PPM1L: variants seen among roughly 807,000 people sequenced by gnomAD.
The protein encoded by PPM1L is protein phosphatase, Mg2+/Mn2+ dependent 1L, also known as protein phosphatase 1L.
PPM1L carries 13 observed loss-of-function variants against 31.4 expected under a neutral mutation model. The ratio of observed to expected loss-of-function variants is 0.41; its 90% CI spans 0.27 to 0.66. PPM1L has a LOEUF of 0.66. Among genes scored for constraint, PPM1L ranks in the 30% least tolerant of loss-of-function variants. The probability of loss-of-function intolerance (pLI) is 0.29; values close to 1 mark genes in which losing one functional copy is unlikely to be tolerated. For synonymous variants in PPM1L, 184 were observed against 175.4 expected, an observed-to-expected ratio of 1.05 and a Z score of -0.39; for missense variants, 326 against 453.7, an observed-to-expected ratio of 0.72 and a Z score of 2.56.
intron 2 of PPM1L, among the ~76,000 whole-genome samples, chr3:160,999,243 G>A (rs1018076814): frequency 1.3e-5 from 2 of 152,142 alleles, no homozygotes; most frequent in African/African-American, 4.8e-5. Flanking sequence ...CTGAGGTTAA[G>A]TAACTTGCTC....
At chr3:160,894,548 A>G (rs924151898) in intron 1 of PPM1L, among the ~76,000 whole-genome samples, 5 of 152,172 alleles carry the variant, frequency 3.3e-5, no homozygotes, top group African/African-American at 9.6e-5. Context: ...AATATTACCT[A>G]TTTGAGTTGT....
chr3:160,884,319 T>TA (rs1712834923), intron 1 of PPM1L, among the ~76,000 whole-genome samples: 1 of 150,964 alleles, frequency 6.6e-6, no homozygotes, highest in Admixed American at 6.6e-5. Context: ...CATGGGTTAG[T>TA]AAAGCTTCAA....
chr3:160,974,441 C>T (rs899898028), intron 2 of PPM1L, among the ~76,000 whole-genome samples: 5 of 151,472 alleles, frequency 3.3e-5, no homozygotes, highest in East Asian at 2.0e-4. Flanking sequence ...CCTGAGGAAT[C>T]GCCACACTGA....
At chr3:160,956,326 C>T (rs1396011784) in intron 1 of PPM1L, among the ~76,000 whole-genome samples, 1 of 152,184 alleles carries the variant, frequency 6.6e-6, no homozygotes, top group South Asian at 2.1e-4. Context: ...TATTTTTACT[C>T]TAGCTGTTGC....
intron 2 of PPM1L, among the ~76,000 whole-genome samples, chr3:161,053,621 C>A (rs190016397): frequency 6.6e-6 from 1 of 152,142 alleles, no homozygotes; most frequent in African/African-American, 2.4e-5. Context: ...ATGAACACTC[C>A]GTCAGATTCT....
intron 1 of PPM1L, among the ~76,000 whole-genome samples, chr3:160,867,704 C>T (rs564718956): frequency 5.9e-5 from 9 of 151,874 alleles, no homozygotes; most frequent in Non-Finnish European, 1.2e-4. Flanking sequence ...TAGAAAATAG[C>T]GATAATTTTT....
rs146562473 is a variant in PPM1L, at chr3:160,900,342, A to G, written c.400-61394A>G. The stretch of plus-strand genomic sequence containing the variant: ...TTGTGTTTTCTGATGCTTTTTTGGT[A>G]TGTTTTCTTTTAGCCTCCTTTTCTT... On this transcript the variant is annotated intron_variant, in intron 1 of 3. Transcript: ENST00000498165. Among the ~76,000 whole-genome samples the G allele has an allele frequency of 5.3e-4, 81 of 151,996 alleles. 1 individual carries two copies. The East Asian group carries it at 0.012, about 22-fold the overall frequency.
chr3:160,909,453 A>G (rs1445168664), intron 1 of PPM1L, among the ~76,000 whole-genome samples: 7 of 152,218 alleles, frequency 4.6e-5, no homozygotes, highest in Admixed American at 4.6e-4. Flanking sequence ...TAGACTTATT[A>G]AGTTTGAGGT....
intron 1 of PPM1L, among the ~76,000 whole-genome samples, chr3:160,841,247 A>G (rs564078170): frequency 1.3e-5 from 2 of 152,148 alleles, no homozygotes; most frequent in African/African-American, 4.8e-5. Flanking sequence ...TGAATATGCA[A>G]TGCTTATTAA....
intron 1 of PPM1L, among the ~76,000 whole-genome samples, chr3:160,762,668 A>T (rs1221055233): frequency 1.3e-5 from 2 of 152,182 alleles, no homozygotes; most frequent in African/African-American, 4.8e-5. Flanking sequence ...AGGAACTGAC[A>T]TTTAATTGTA....
intron 1 of PPM1L, among the ~76,000 whole-genome samples, chr3:160,861,352 A>T (rs779157769): frequency 9.9e-5 from 15 of 152,226 alleles, no homozygotes; most frequent in Non-Finnish European, 2.2e-4. Flanking sequence ...GAAAGCCGAG[A>T]TGTTAGATCA....
intron 1 of PPM1L, among the ~76,000 whole-genome samples, chr3:160,871,904 C>G (rs1336136085): frequency 6.6e-6 from 1 of 151,950 alleles, no homozygotes; most frequent in Non-Finnish European, 1.5e-5. Flanking sequence ...TTTTATTGAG[C>G]AGAAAATGAC....
chr3:161,061,096 T>C (rs1036675636), intron 2 of PPM1L, among the ~76,000 whole-genome samples: 9 of 152,262 alleles, frequency 5.9e-5, no homozygotes, highest in African/African-American at 1.9e-4. Flanking sequence ...TCTGTTATAA[T>C]CCTGAGCTAA....
At chr3:160,794,118 A>G (rs866648699) in intron 1 of PPM1L, among the ~76,000 whole-genome samples, 21 of 151,802 alleles carry the variant, frequency 1.4e-4, no homozygotes, top group African/African-American at 5.1e-4. Context: ...CCTCAGCCAC[A>G]GGAAATCCAT....
At chr3:161,040,069 G>A (rs891287278) in intron 2 of PPM1L, among the ~76,000 whole-genome samples, 2 of 152,136 alleles carry the variant, frequency 1.3e-5, no homozygotes, top group East Asian at 3.9e-4. Flanking sequence ...GAATGGGTTG[G>A]TTATTTCATT....
chr3:160,869,635 A>G (rs1007277776), intron 1 of PPM1L, among the ~76,000 whole-genome samples: 3 of 151,514 alleles, frequency 2.0e-5, no homozygotes, highest in Non-Finnish European at 4.4e-5. Flanking sequence ...GATTTCAGAG[A>G]TGTTAAAATG....
intron 1 of PPM1L, among the ~76,000 whole-genome samples, chr3:160,809,096 C>T (rs890185894): frequency 3.3e-5 from 5 of 152,162 alleles, no homozygotes; most frequent in Non-Finnish European, 7.3e-5. Flanking sequence ...AATCTGCTCC[C>T]GAGGTCCAGC....
intron 1 of PPM1L, among the ~76,000 whole-genome samples, chr3:160,876,974 AG>A: frequency 6.6e-6 from 1 of 152,356 alleles, no homozygotes; most frequent in African/African-American, 2.4e-5. Context: ...AACAAGGAAA[AG>A]GTTAGTTTTA....
chr3:161,005,348 T>C (rs1296186280), intron 2 of PPM1L, among the ~76,000 whole-genome samples: 1 of 152,214 alleles, frequency 6.6e-6, no homozygotes, highest in African/African-American at 2.4e-5. Context: ...CAAAGTGAGT[T>C]ATGTATGAAG....
Sources: allele counts gnomAD v4.1 joint callset (sites outside exome capture counted in the v4.1 genomes callset), GRCh38; gene constraint gnomAD v4.1.1; transcripts MANE v1.5; gene names NCBI Gene and HGNC (gene_info 2026-07-23, HGNC 2026-07-21).